The following DNAH14 variants were observed in gnomAD, a reference collection of about 807,000 sequenced individuals.
DNAH14 encodes the protein axonemal beta dynein heavy chain 14.
Under a neutral mutation model 520.9 loss-of-function variants are expected in DNAH14, and 478 were observed. The ratio of observed to expected loss-of-function variants is 0.92; its 90% CI spans 0.85 to 0.99. The LOEUF (loss-of-function observed/expected upper bound fraction) is 0.99. Ranked by LOEUF, DNAH14 falls within the 50% of genes least tolerant of loss-of-function variation. The pLI is 0.00. For missense variants in DNAH14, 4,831 were observed against 5,234.5 expected, an observed-to-expected ratio of 0.92 and a Z score of 2.38; for synonymous variants, 1,581 against 1,757.2, an observed-to-expected ratio of 0.90 and a Z score of 2.51.
intron 27 of DNAH14, among the ~76,000 whole-genome samples, chr1:225,131,688 C>T (rs772046599): frequency 1.3e-5 from 2 of 152,148 alleles, no homozygotes; most frequent in Non-Finnish European, 2.9e-5. Context: ...TGTAGAGAGC[C>T]ATTATTCTGC....
chr1:225,025,584 A>G (rs998770930), intron 11 of DNAH14, among the ~76,000 whole-genome samples: 10 of 151,626 alleles, frequency 6.6e-5, no homozygotes, highest in African/African-American at 2.2e-4. Context: ...CAACAACAAC[A>G]ACAACATCAA....
intron 79 of DNAH14, among the ~76,000 whole-genome samples, chr1:225,378,653 C>T (rs949443424): frequency 2.6e-5 from 4 of 151,976 alleles, no homozygotes; most frequent in South Asian, 2.1e-4. Context: ...GAGGCCGAGG[C>T]GGGTGGGTCA....
At chr1:225,003,733 TAGAG>T (rs2063947401) in intron 9 of DNAH14, among the ~76,000 whole-genome samples, 1 of 152,114 alleles carries the variant, frequency 6.6e-6, no homozygotes, top group Non-Finnish European at 1.5e-5. Flanking sequence ...TATACTTATA[TAGAG>T]AATGTTTATG....
At chr1:225,115,592 A>G (rs1390539662) in intron 23 of DNAH14, among the ~76,000 whole-genome samples, 1 of 152,132 alleles carries the variant, frequency 6.6e-6, no homozygotes, top group African/African-American at 2.4e-5. Context: ...CCTATACAAA[A>G]TTATCTGCCC....
At chr1:224,930,429 C>G (rs889407640) in intron 1 of DNAH14, among the ~76,000 whole-genome samples, 3 of 152,180 alleles carry the variant, frequency 2.0e-5, no homozygotes, top group African/African-American at 7.2e-5. Context: ...TATAATGGAG[C>G]TGAAAAATTC....
chr1:225,386,047 A>G (rs1299561490), intron 81 of DNAH14, among the ~76,000 whole-genome samples: 1 of 152,212 alleles, frequency 6.6e-6, no homozygotes, highest in Non-Finnish European at 1.5e-5. Context: ...GACCAATGGA[A>G]CAGAACAGAG....
chr1:225,007,441 A>T lies in DNAH14; in HGVS notation c.1004A>T (p.Asp335Val). The change falls in exon 10 of 86, where the codon GAT (aspartate) becomes GTT (valine). Residue 335 changes from aspartate to valine, a missense_variant. Physicochemically the swap from Asp to Val is radical, Grantham distance 152 (BLOSUM62 -3). Transcript: ENST00000682510. The part of the protein sequence containing the change: ...KLDSSRTYSL[D>V]EFCEEQLQQA... ...GATAGTTCTCGAACATATTCTCTAG[A>T]TGAATTTTGTGAAGAGCAGTTACAG... 1 of 1,539,406 alleles carries T rather than the reference A, an allele frequency of 6.5e-7. No homozygotes were observed. The highest frequency in any genetic ancestry group is 8.8e-7 in the Non-Finnish European group (1 of 1,140,092).
chr1:225,051,743 G>C lies in DNAH14; in HGVS notation c.2372G>C (p.Ser791Thr), dbSNP rs1303559499. 2.6e-6 allele frequency: 4 copies of C among 1,545,878 alleles called. No individual in the cohort carries two copies. In the Admixed American group the frequency reaches 8.0e-5, roughly 31 times the overall value. The change falls in exon 17 of 86, where the codon AGC becomes ACC. Residue 791 changes from serine to threonine, a missense_variant. Coordinates refer to ENST00000682510, the MANE Select transcript of DNAH14 (RefSeq NM_001367479.1). Reference sequence around the variant, plus strand: ...TATATTGACAACGTCATACATATGAGCCACACCCTCATACAATCTGTAATT... The same window carrying C: ...TATATTGACAACGTCATACATATGACCCACACCCTCATACAATCTGTAATT... ...LLYIDNVIHMSHTLIQSVIEK... is the reference protein window; with the variant it reads ...LLYIDNVIHMTHTLIQSVIEK...
Position 225,053,773 on chromosome 1 carries a change from T to C in DNAH14, c.2424+1978T>C, listed in dbSNP as rs2068774398. Among the ~76,000 whole-genome samples the C allele has an allele frequency of 2.0e-5, 3 of 152,220 alleles. No homozygotes were observed. The South Asian group carries it at 6.2e-4, about 32-fold the overall frequency. Reference sequence around the variant, plus strand: ...CAAATTATTGGGAGGAGGAACATAGTACTTGTTAAATTGCATAATAATATT... The same window carrying C: ...CAAATTATTGGGAGGAGGAACATAGCACTTGTTAAATTGCATAATAATATT... On this transcript the variant is annotated intron_variant, in intron 17 of 85. Coordinates refer to ENST00000682510, the MANE Select transcript of DNAH14 (RefSeq NM_001367479.1).
intron 8 of DNAH14, among the ~76,000 whole-genome samples, chr1:224,999,547 T>A (rs2063614881): frequency 6.6e-6 from 1 of 152,194 alleles, no homozygotes; most frequent in Non-Finnish European, 1.5e-5. Flanking sequence ...CTCTGTCTTT[T>A]AATTGCCATA....
At chr1:224,977,066 T>C (rs570410224) in intron 8 of DNAH14, among the ~76,000 whole-genome samples, 7 of 151,338 alleles carry the variant, frequency 4.6e-5, no homozygotes, top group African/African-American at 1.7e-4. Context: ...CTATTCACAA[T>C]AGCAAAGACT....
chr1:225,108,547 T>G (rs772700684), intron 23 of DNAH14, among the ~76,000 whole-genome samples: 1 of 152,190 alleles, frequency 6.6e-6, no homozygotes, highest in Non-Finnish European at 1.5e-5. Flanking sequence ...ATCAGATTAT[T>G]AAATTTTTAT....
At chr1:225,293,851 G>C (rs1329233037) in intron 55 of DNAH14, among the ~76,000 whole-genome samples, 1 of 152,024 alleles carries the variant, frequency 6.6e-6, no homozygotes, top group Non-Finnish European at 1.5e-5. Flanking sequence ...TTTTTTGGTA[G>C]TCTTTATGTA....
chr1:224,961,672 C>T (rs2060853776), intron 4 of DNAH14, among the ~76,000 whole-genome samples: 1 of 152,132 alleles, frequency 6.6e-6, no homozygotes, highest in South Asian at 2.1e-4. Context: ...TCCACCTGGT[C>T]CCACACTTGA....
chr1:224,976,109 G>C (rs2125661331), intron 8 of DNAH14, among the ~76,000 whole-genome samples: 1 of 151,956 alleles, frequency 6.6e-6, no homozygotes, highest in Middle Eastern at 3.4e-3. Context: ...TATAATTTCT[G>C]ATCTTTTACA....
Position 225,232,155 on chromosome 1 carries a change from T to C in DNAH14, c.6518+1004T>C, listed in dbSNP as rs2091187723. On this transcript the variant is annotated intron_variant, in intron 42 of 85. Coordinates refer to ENST00000682510, the MANE Select transcript of DNAH14 (RefSeq NM_001367479.1). The surrounding 1 kb of genome is among the most constrained non-coding windows in gnomAD (Gnocchi z 4.2). ...AATGAAATCATCCTGTATGATCTTC[T>C]GCCACTTGCATCTTTTGTTCAACAT... Among the ~76,000 whole-genome samples, 1 of 152,160 alleles carries C rather than the reference T, an allele frequency of 6.6e-6. No individual in the cohort carries two copies. The highest frequency in any genetic ancestry group is 1.5e-5 in the Non-Finnish European group (1 of 68,008).
At chr1:225,351,146 G>A (rs2095360079) in intron 71 of DNAH14, among the ~76,000 whole-genome samples, 1 of 152,184 alleles carries the variant, frequency 6.6e-6, no homozygotes, top group Non-Finnish European at 1.5e-5. Flanking sequence ...GCTCATGCCT[G>A]TAATCCCAAC....
At chr1:225,168,785 C>T (rs1488804722) in intron 36 of DNAH14, among the ~76,000 whole-genome samples, 1 of 152,206 alleles carries the variant, frequency 6.6e-6, no homozygotes, top group African/African-American at 2.4e-5. Context: ...CCCTGTCTGA[C>T]AGCTTTGAAG....
intron 13 of DNAH14, among the ~76,000 whole-genome samples, chr1:225,043,433 A>G (rs1057354326): frequency 6.6e-6 from 1 of 152,242 alleles, no homozygotes; most frequent in Non-Finnish European, 1.5e-5. Context: ...GGATAAACTT[A>G]CAGATCATTG....
Sources: allele counts gnomAD v4.1 joint callset (sites outside exome capture counted in the v4.1 genomes callset), GRCh38; gene constraint gnomAD v4.1.1; non-coding constraint Gnocchi (gnomAD v3.1); transcripts MANE v1.5; gene names NCBI Gene and HGNC (gene_info 2026-07-23, HGNC 2026-07-21).